Variants in RASA1 observed in about 807,000 individuals in gnomAD.
RASA1 encodes the protein RAS p21 protein activator 1, also known as ras GTPase-activating protein 1.
A neutral mutation model predicts 132.2 loss-of-function variants in RASA1; 25 were observed. That is an observed-to-expected ratio of 0.19 (90% CI 0.14 to 0.26). The LOEUF (loss-of-function observed/expected upper bound fraction) is 0.26. Ranked by LOEUF, RASA1 falls within the 10% of genes least tolerant of loss-of-function variation. RASA1 has a pLI of 1.00. For synonymous variants in RASA1, 477 were observed against 449.9 expected, an observed-to-expected ratio of 1.06 and a Z score of -0.76; for missense variants, 964 against 1,299.2, an observed-to-expected ratio of 0.74 and a Z score of 3.97.
chr5:87,276,940 C>A (rs978496249), intron 1 of RASA1, among the ~76,000 whole-genome samples: 2 of 152,142 alleles, frequency 1.3e-5, no homozygotes, highest in Non-Finnish European at 2.9e-5. Flanking sequence ...AGTGGTAGAA[C>A]TGGGACAGAA....
chr5:87,337,894 C>T lies in RASA1; in HGVS notation c.900-80C>T, dbSNP rs867931406. The T allele has an allele frequency of 1.1e-4, 156 of 1,390,800 alleles. 1 individual carries two copies. In the South Asian group the frequency reaches 2.2e-3, roughly 19 times the overall value. The allele number at this position is 1,390,800 out of a possible 1,614,324, so 86.2% of individuals were successfully genotyped here. A position where few individuals can be genotyped will look rare whatever the true frequency, so the allele number is the denominator to read the frequency against. On this transcript the variant is annotated intron_variant, in intron 4 of 24. Transcript: ENST00000274376. ...TTTTTCAATATAATACTATCCCTAT[C>T]CTATTTTGTGGTATATGACTATTCT...
At chr5:87,287,368 A>G (rs911109451) in intron 1 of RASA1, among the ~76,000 whole-genome samples, 5 of 148,382 alleles carry the variant, frequency 3.4e-5, no homozygotes, top group African/African-American at 9.9e-5. Context: ...CCATATATAT[A>G]CCATATATAC....
chr5:87,353,397 T>C (rs1759425604), intron 9 of RASA1, among the ~76,000 whole-genome samples, 162 bp downstream of exon 9: 1 of 152,096 alleles, frequency 6.6e-6, no homozygotes, highest in Non-Finnish European at 1.5e-5. Flanking sequence ...CTTTTAGTTT[T>C]TATCTATGTT....
chr5:87,269,319 T>C (rs762179254), intron 1 of RASA1: 4 of 1,534,808 alleles, frequency 2.6e-6, no homozygotes, highest in African/African-American at 2.7e-5. Flanking sequence ...AAACTGCGGC[T>C]ACCAAGGCAG....
At position 87,333,291 on chromosome 5, in the gene RASA1, C is replaced by T. The variant is rs137853218; in HGVS notation, c.853C>T (p.Arg285Ter). The T allele has an allele frequency of 6.2e-7, 1 of 1,612,314 alleles. No homozygotes were observed. The highest frequency in any genetic ancestry group is 8.5e-7 in the Non-Finnish European group (1 of 1,179,240). ...GCCAGTAGAAGATAGAAGGCGTGTA[C>T]GAGCTATTCTACCTTACACAAAAGT... ...PEPVEDRRRV[R>*]AILPYTKVPD... Residue 285 changes from arginine to a stop codon, truncating the protein, a stop_gained, in exon 4 of 25, where the codon CGA becomes TGA. Transcript: ENST00000274376. LOFTEE classifies it high-confidence loss of function.
chr5:87,307,189 C>T (rs544367571), intron 1 of RASA1, among the ~76,000 whole-genome samples: 33 of 152,224 alleles, frequency 2.2e-4, no homozygotes, highest in African/African-American at 7.5e-4. Flanking sequence ...TTTTAAAAAA[C>T]GATGTCCCAT....
intron 6 of RASA1, among the ~76,000 whole-genome samples, chr5:87,343,726 T>C (rs987546045): frequency 2.0e-5 from 3 of 152,102 alleles, no homozygotes; most frequent in African/African-American, 7.2e-5. Flanking sequence ...TGGGTATATA[T>C]CCAAAAGAAA....
chr5:87,304,829 C>T (rs1254809116), intron 1 of RASA1, among the ~76,000 whole-genome samples: 1 of 150,898 alleles, frequency 6.6e-6, no homozygotes, highest in East Asian at 2.0e-4. Flanking sequence ...TTTGTTTACA[C>T]ATGTATTTAC....
chr5:87,325,829 G>T (rs182524645), intron 1 of RASA1, among the ~76,000 whole-genome samples: 1 of 152,280 alleles, frequency 6.6e-6, no homozygotes, highest in Non-Finnish European at 1.5e-5. Context: ...TCAATGAAAT[G>T]CCTGTCTGTA....
chr5:87,381,776 A>G (rs768612861), intron 20 of RASA1, among the ~76,000 whole-genome samples: 4 of 152,204 alleles, frequency 2.6e-5, no homozygotes, highest in Non-Finnish European at 4.4e-5. Flanking sequence ...TCAAACAAGT[A>G]TAACTGTTAA....
In RASA1 at chr5:87,268,329, T is replaced by A. The variant is rs778252685; in HGVS notation, c.-123T>A. The A allele has an allele frequency of 1.7e-6, 2 of 1,146,678 alleles. No individual in the cohort carries two copies. Among genetic ancestry groups the A allele is most frequent in the Non-Finnish European group, 2.4e-6 (2 of 841,872 alleles). 71.0% of individuals were successfully genotyped at this position (1,146,678 alleles called of 1,614,324 possible). ...GCGGCGGGCTCTCTCCTTTTGTTGT[T>A]GTTTCCTCAGCCTGGGGAGCTGAAG... On this transcript the variant is annotated 5_prime_UTR_variant, in exon 1 of 25. Transcript: ENST00000274376.
intron 1 of RASA1, among the ~76,000 whole-genome samples, chr5:87,287,103 A>G (rs1419322752): frequency 1.4e-5 from 2 of 147,730 alleles, no homozygotes; most frequent in African/African-American, 2.5e-5. Context: ...TACACACCAT[A>G]TATATACACA....
chr5:87,310,416 A>G (rs1482221333), intron 1 of RASA1, among the ~76,000 whole-genome samples: 1 of 152,202 alleles, frequency 6.6e-6, no homozygotes, highest in African/African-American at 2.4e-5. Flanking sequence ...GAATTAAGAA[A>G]TTATTTAGAA....
In RASA1 at chr5:87,379,751, T is replaced by C. The variant is rs1445029428; in HGVS notation, c.2504T>C (p.Leu835Ser). 6.2e-7 allele frequency: 1 copy of C among 1,612,260 alleles called. No individual in the cohort carries two copies. Among genetic ancestry groups the C allele is most frequent in the Admixed American group, 1.7e-5 (1 of 59,944 alleles). Residue 835 changes from leucine to serine, a missense_variant, in exon 19 of 25, where the codon TTA becomes TCA. By Grantham distance (145) the Leu-to-Ser change is moderately radical. Coordinates refer to ENST00000274376, the MANE Select transcript of RASA1 (RefSeq NM_002890.3). ...KQSCELSPSK[L>S]EKNEDVNTNL... ...TTCTTTTAGTTAAGTCCATCAAAGT[T>C]AGAAAAAAATGAAGATGTGAACACT...
intron 4 of RASA1, among the ~76,000 whole-genome samples, chr5:87,337,128 A>C (rs1003761242): frequency 5.3e-5 from 8 of 152,094 alleles, no homozygotes; most frequent in African/African-American, 1.9e-4. Flanking sequence ...GTACCATCCA[A>C]CAAATCTGGA....
intron 8 of RASA1, among the ~76,000 whole-genome samples, chr5:87,352,369 G>T (rs1369887051): frequency 6.6e-6 from 1 of 151,490 alleles, no homozygotes; most frequent in African/African-American, 2.4e-5. Flanking sequence ...TCTGTCTGGA[G>T]AAGTGTTTCC....
rs753218643 is a variant in RASA1 at position 87,390,892 on chromosome 5, G to GC, written c.*13dup. On this transcript the variant is annotated 3_prime_UTR_variant, in exon 25 of 25. Coordinates refer to ENST00000274376, the MANE Select transcript of RASA1 (RefSeq NM_002890.3). ...CCAATGATGTCAGGTAGCAGCCTTC[G>GC]CCCCAGTGTTCTGCATGGATTCAGC... is the stretch of plus-strand genomic sequence containing the variant. The GC allele has an allele frequency of 7.5e-6, 12 of 1,601,778 alleles. No homozygotes were observed. The highest frequency in any genetic ancestry group is 1.7e-4 in the Middle Eastern group (1 of 6,058).
rs991029477 is a variant in RASA1, at chr5:87,337,917, T to C, written c.900-57T>C. On this transcript the variant is annotated intron_variant, in intron 4 of 24. Transcript: ENST00000274376. ...ATCCTATTTTGTGGTATATGACTAT[T>C]CTAATCTCTGTATTTAAAATTTTTA... The C allele has an allele frequency of 1.3e-5, 20 of 1,504,852 alleles. No individual in the cohort carries two copies. The African/African-American group carries it at 1.7e-4, about 13-fold the overall frequency. 93.2% of individuals were successfully genotyped at this position (1,504,852 alleles called of 1,614,324 possible).
At position 87,389,380 on chromosome 5, in the gene RASA1, G is replaced by C; in HGVS notation, c.2926-13G>C. The C allele has an allele frequency of 6.2e-7, 1 of 1,613,734 alleles. No homozygotes were observed. Among genetic ancestry groups the C allele is most frequent in the African/African-American group, 1.3e-5 (1 of 75,000 alleles). On this transcript the variant is annotated splice_polypyrimidine_tract_variant and intron_variant, in intron 23 of 24. Coordinates refer to ENST00000274376, the MANE Select transcript of RASA1 (RefSeq NM_002890.3). ...TTTGTATTTCTAAATGCAATTTTACGATTCCCTTAAAGAATGTACCTGAAC... is the reference window on the plus strand; with the variant it reads ...TTTGTATTTCTAAATGCAATTTTACCATTCCCTTAAAGAATGTACCTGAAC...
Sources: allele counts gnomAD v4.1 joint callset (sites outside exome capture counted in the v4.1 genomes callset), GRCh38; gene constraint gnomAD v4.1.1; transcripts MANE v1.5; gene names NCBI Gene and HGNC (gene_info 2026-07-23, HGNC 2026-07-21).